The following GRID2 variants were observed in gnomAD, a reference collection of about 807,000 sequenced individuals.
GRID2 encodes glutamate receptor ionotropic, delta-2.
GRID2 carries 33 observed loss-of-function variants against 114.8 expected under a neutral mutation model. That is an observed-to-expected ratio of 0.29 (90% CI 0.22 to 0.38). The LOEUF is 0.38. Among genes scored for constraint, GRID2 ranks in the 10% least tolerant of loss-of-function variants. GRID2 has a pLI of 1.00. For missense variants in GRID2, 1,184 were observed against 1,257.7 expected (o/e 0.94, Z 0.89); for synonymous variants, 505 against 449.9 (o/e 1.12, Z -1.55).
At chr4:93,446,213 G>GTGATCCAGGGTTCCTGGCATA in intron 10 of GRID2, among the ~76,000 whole-genome samples, 1 of 151,664 alleles carries the variant, frequency 6.6e-6, no homozygotes, top group South Asian at 2.1e-4. Flanking sequence ...TCATTCACAT[G>GTGATCCAGGGTTCCTGGCATA]GTGATCCAGG....
At chr4:93,273,534 G>T (rs1446298827) in intron 8 of GRID2, among the ~76,000 whole-genome samples, 1 of 151,880 alleles carries the variant, frequency 6.6e-6, no homozygotes, top group Non-Finnish European at 1.5e-5. Context: ...GGAATGTAAT[G>T]GGGAAAGAGG....
At chr4:92,961,379 A>ATT (rs34933712) in intron 2 of GRID2, among the ~76,000 whole-genome samples, 5 of 137,676 alleles carry the variant, frequency 3.6e-5, no homozygotes, top group Admixed American at 7.3e-5. Context: ...ATCCCCTCAA[A>ATT]TTTTTTTTTT....
At chr4:92,679,898 C>G (rs1013335993) in intron 2 of GRID2, among the ~76,000 whole-genome samples, 3 of 148,502 alleles carry the variant, frequency 2.0e-5, no homozygotes, top group Non-Finnish European at 4.4e-5. Context: ...GCTAAAACTT[C>G]CTAGATGTTA....
chr4:92,559,053 TCTAAG>T (rs1221729996), intron 1 of GRID2, among the ~76,000 whole-genome samples: 1 of 152,210 alleles, frequency 6.6e-6, no homozygotes, highest in Non-Finnish European at 1.5e-5. Flanking sequence ...TATGAAAACT[TCTAAG>T]AACAGTTTGC....
chr4:93,057,272 T>A (rs1417137227), intron 2 of GRID2, among the ~76,000 whole-genome samples: 1 of 151,892 alleles, frequency 6.6e-6, no homozygotes, highest in Non-Finnish European at 1.5e-5. Context: ...GGATTACTTA[T>A]GCTTGACAGG....
At chr4:93,553,348 T>G (rs764733423) in intron 13 of GRID2, among the ~76,000 whole-genome samples, 3 of 152,176 alleles carry the variant, frequency 2.0e-5, no homozygotes, top group Non-Finnish European at 2.9e-5. Context: ...GGTATCTCAT[T>G]GTGGTTTTGA....
At chr4:92,674,405 T>C (rs1030203945) in intron 2 of GRID2, among the ~76,000 whole-genome samples, 6 of 152,194 alleles carry the variant, frequency 3.9e-5, no homozygotes, top group African/African-American at 1.4e-4. Flanking sequence ...ATTCAATAGC[T>C]GTTAAGTCCA....
intron 8 of GRID2, among the ~76,000 whole-genome samples, chr4:93,260,706 C>T (rs975677262): frequency 6.6e-6 from 1 of 151,758 alleles, no homozygotes; most frequent in Non-Finnish European, 1.5e-5. Context: ...TTCATAAATC[C>T]TACTGCCTTT....
At chr4:93,114,782 A>C (rs1164029328) in intron 4 of GRID2, among the ~76,000 whole-genome samples, 1 of 152,178 alleles carries the variant, frequency 6.6e-6, no homozygotes, top group Non-Finnish European at 1.5e-5. Context: ...GCAGAACTAA[A>C]TTTGAAAGAG....
intron 2 of GRID2, among the ~76,000 whole-genome samples, chr4:93,017,596 C>T (rs540964539): frequency 7.2e-5 from 11 of 151,902 alleles, no homozygotes; most frequent in African/African-American, 2.7e-4. Context: ...TAGTGGATCA[C>T]TTGAGGTCAG....
chr4:92,755,691 T>C (rs1737681353), intron 2 of GRID2, among the ~76,000 whole-genome samples: 1 of 152,198 alleles, frequency 6.6e-6, no homozygotes, highest in Non-Finnish European at 1.5e-5. Context: ...ACAGAGTTGT[T>C]AAAGGGAAAA....
chr4:92,770,309 C>A (rs902600326), intron 2 of GRID2, among the ~76,000 whole-genome samples: 4 of 152,154 alleles, frequency 2.6e-5, no homozygotes, highest in Non-Finnish European at 5.9e-5. Flanking sequence ...TCACTATCAG[C>A]ATTTTTGTCA....
chr4:93,034,980 G>A (rs140237916), intron 2 of GRID2, among the ~76,000 whole-genome samples: 44 of 152,044 alleles, frequency 2.9e-4, no homozygotes, highest in Non-Finnish European at 5.6e-4. Context: ...TAAACTTCCA[G>A]TACACGACTA....
intron 2 of GRID2, among the ~76,000 whole-genome samples, chr4:92,610,274 A>G (rs1287627870): frequency 6.6e-6 from 1 of 151,676 alleles, no homozygotes; most frequent in Non-Finnish European, 1.5e-5. Context: ...TGACTGAGCA[A>G]CAAGATAGGA....
chr4:92,607,413 T>C (rs779594619), intron 2 of GRID2, among the ~76,000 whole-genome samples: 2 of 151,966 alleles, frequency 1.3e-5, no homozygotes, highest in Non-Finnish European at 2.9e-5. Flanking sequence ...TTTTCCTTTA[T>C]TTCATTCTTT....
chr4:92,946,577 T>G (rs1341402598), intron 2 of GRID2, among the ~76,000 whole-genome samples: 1 of 152,138 alleles, frequency 6.6e-6, no homozygotes, highest in Admixed American at 6.6e-5. Flanking sequence ...TTGTTTGTAC[T>G]ACTATGCAAA....
intron 2 of GRID2, among the ~76,000 whole-genome samples, chr4:93,083,360 AT>A (rs1176960129): frequency 2.0e-5 from 3 of 152,042 alleles, no homozygotes; most frequent in Non-Finnish European, 2.9e-5. Flanking sequence ...AGAACATATG[AT>A]TTTTGCTAAA....
chr4:92,443,106 G>A (rs1733209748), intron 1 of GRID2, among the ~76,000 whole-genome samples: 2 of 152,140 alleles, frequency 1.3e-5, no homozygotes, highest in Admixed American at 1.3e-4. Flanking sequence ...TGAGGGGACA[G>A]GCAGGAGGGA....
chr4:92,786,364 G>C (rs564104328), intron 2 of GRID2, among the ~76,000 whole-genome samples: 2 of 151,496 alleles, frequency 1.3e-5, no homozygotes, highest in African/African-American at 4.9e-5. Context: ...CTTTGAAAAT[G>C]AGAGAGTTTG....
Sources: allele counts gnomAD v4.1 joint callset (sites outside exome capture counted in the v4.1 genomes callset), GRCh38; gene constraint gnomAD v4.1.1; transcripts MANE v1.5; gene names NCBI Gene and HGNC (gene_info 2026-07-23, HGNC 2026-07-21).